The following KCNJ15 variants were observed in gnomAD, a reference collection of about 807,000 sequenced individuals.
The protein encoded by KCNJ15 is potassium inwardly rectifying channel subfamily J member 15.
Under a neutral mutation model 23.0 loss-of-function variants are expected in KCNJ15, and 14 were observed. That is an observed-to-expected ratio of 0.61 (90% CI 0.40 to 0.95). The LOEUF is 0.95. Ranked by LOEUF, KCNJ15 falls within the 40% of genes least tolerant of loss-of-function variation. KCNJ15 has a pLI of 0.00. For missense variants in KCNJ15, 388 were observed against 461.8 expected (o/e 0.84, Z 1.46); for synonymous variants, 185 against 183.2 (o/e 1.01, Z -0.08).
chr21:38,294,382 A>G (rs761513083), intron 1 of KCNJ15, among the ~76,000 whole-genome samples: 1 of 152,198 alleles, frequency 6.6e-6, no homozygotes, highest in African/African-American at 2.4e-5. Flanking sequence ...TTCACTCTTT[A>G]TGCCTCATCA....
chr21:38,291,283 G>T (rs983018442), intron 1 of KCNJ15, among the ~76,000 whole-genome samples: 1 of 152,064 alleles, frequency 6.6e-6, no homozygotes, highest in African/African-American at 2.4e-5. Context: ...TAGAATCTAG[G>T]TTCTCCCCAC....
At chr21:38,239,552 A>G (rs559589244) in intron 1 of KCNJ15, among the ~76,000 whole-genome samples, 6 of 152,352 alleles carry the variant, frequency 3.9e-5, no homozygotes, top group African/African-American at 1.4e-4. Flanking sequence ...CCGAAAAGGT[A>G]CTTAATTTCA....
rs1345760447 is a variant in KCNJ15, at chr21:38,306,075, A to C, written c.*5686A>C. ...AAAGTCGCCCTCCACGTGGGTGCAC[A>C]GGAGCCCAGATTCTCAAGCCCCAGT... On this transcript the variant is annotated 3_prime_UTR_variant, in exon 3 of 3. Transcript: ENST00000398938. The C allele has an allele frequency of 2.0e-5, 3 of 152,224 alleles. No individual in the cohort carries two copies. Among genetic ancestry groups the C allele is most frequent in the Non-Finnish European group, 2.9e-5 (2 of 68,034 alleles). 9.4% of individuals were successfully genotyped at this position (152,224 alleles called of 1,614,324 possible).
At chr21:38,285,407 G>A (rs553457308) in intron 1 of KCNJ15, among the ~76,000 whole-genome samples, 2 of 152,196 alleles carry the variant, frequency 1.3e-5, no homozygotes, top group African/African-American at 4.8e-5. Context: ...GATCATCATC[G>A]CCATTCTGCA....
chr21:38,264,114 C>G lies in KCNJ15; in HGVS notation c.-117+6929C>G, dbSNP rs111742223. Reference sequence around the variant, plus strand: ...CTACATCTGAACTTAACTTAGCTTCCTATTTGAACCTGGGAATCAACTGGG... The same window carrying G: ...CTACATCTGAACTTAACTTAGCTTCGTATTTGAACCTGGGAATCAACTGGG... On this transcript the variant is annotated intron_variant, in intron 1 of 2. Coordinates refer to ENST00000398938, the MANE Select transcript of KCNJ15 (RefSeq NM_170736.3). 5.9e-3 allele frequency among the ~76,000 whole-genome samples: 899 copies of G among 152,312 alleles called. 13 individuals carry two copies. The highest frequency in any genetic ancestry group is 0.02 in the African/African-American group (846 of 41,550).
At chr21:38,268,569 A>AAAAAAAAAAAAAAAG (rs1568997244) in intron 1 of KCNJ15, among the ~76,000 whole-genome samples, 1 of 136,034 alleles carries the variant, frequency 7.4e-6, no homozygotes, top group Non-Finnish European at 1.5e-5. Flanking sequence ...AAAAAAAAAA[A>AAAAAAAAAAAAAAAG]AAAAAAAAGA....
chr21:38,298,654 T>G (rs1314111449), intron 2 of KCNJ15, among the ~76,000 whole-genome samples: 1 of 152,202 alleles, frequency 6.6e-6, no homozygotes, highest in Non-Finnish European at 1.5e-5. Context: ...AAAAAATGCA[T>G]TACTACTGAG....
chr21:38,298,322 T>C (rs765512947), intron 2 of KCNJ15: 8 of 152,220 alleles, frequency 5.3e-5, no homozygotes, highest in Admixed American at 2.0e-4. Flanking sequence ...CCTACACTTA[T>C]TGACTTTTTC....
At chr21:38,254,744 C>T (rs1434890240), upstream of KCNJ15, among the ~76,000 whole-genome samples, 1 of 152,194 alleles carries the variant, frequency 6.6e-6, no homozygotes, top group Non-Finnish European at 1.5e-5. Flanking sequence ...TCTTCTTTGG[C>T]TTCCATCTCC....
intron 1 of KCNJ15, among the ~76,000 whole-genome samples, chr21:38,284,774 C>T (rs1601222539): frequency 6.6e-6 from 1 of 152,174 alleles, no homozygotes; most frequent in East Asian, 1.9e-4. Flanking sequence ...TCCCTCTCGC[C>T]TACTCAATAT....
At chr21:38,270,788 C>T (rs1981992476) in intron 1 of KCNJ15, among the ~76,000 whole-genome samples, 1 of 152,150 alleles carries the variant, frequency 6.6e-6, no homozygotes, top group Non-Finnish European at 1.5e-5. Context: ...TATGGCAAGA[C>T]CAAGGCAAAA....
chr21:38,255,267 A>C (rs188562990), upstream of KCNJ15, among the ~76,000 whole-genome samples: 8 of 152,340 alleles, frequency 5.3e-5, no homozygotes, highest in South Asian at 1.0e-3. Flanking sequence ...TTCCAGGCCG[A>C]GGAAACAGCC....
chr21:38,238,207 G>A, intron 1 of KCNJ15: 1 of 502,022 alleles, frequency 2.0e-6, no homozygotes, highest in South Asian at 1.7e-5. Flanking sequence ...TTCTGCCCCA[G>A]CCCAAGAGGG....
chr21:38,268,076 C>T (rs1981650071), intron 1 of KCNJ15, among the ~76,000 whole-genome samples: 1 of 152,148 alleles, frequency 6.6e-6, no homozygotes, highest in African/African-American at 2.4e-5. Flanking sequence ...TACAACTAAA[C>T]AAGTCTATTC....
At chr21:38,288,022 T>TTTC (rs1984106615) in intron 1 of KCNJ15, among the ~76,000 whole-genome samples, 1 of 110,848 alleles carries the variant, frequency 9.0e-6, no homozygotes, top group Non-Finnish European at 1.9e-5. Context: ...TAACTTGTTT[T>TTTC]TTTCTTTGTT....
chr21:38,300,963 G>T lies in KCNJ15; in HGVS notation c.*574G>T, dbSNP rs942039332. 1 of 167,128 alleles carries T rather than the reference G, an allele frequency of 6.0e-6. No homozygotes were observed. The highest frequency in any genetic ancestry group is 1.5e-5 in the Non-Finnish European group (1 of 68,220). 10.4% of individuals were successfully genotyped at this position (167,128 alleles called of 1,614,324 possible). A position where few individuals can be genotyped will look rare whatever the true frequency, so the allele number is the denominator to read the frequency against. On this transcript the variant is annotated 3_prime_UTR_variant, in exon 3 of 3. Coordinates refer to ENST00000398938, the MANE Select transcript of KCNJ15 (RefSeq NM_170736.3). ...CATTTTTACCTTTCTTCAGTGGACT[G>T]AATTGTATGGAAGGAAATTGATCAG...
At chr21:38,278,151 C>T (rs1207356633) in intron 1 of KCNJ15, among the ~76,000 whole-genome samples, 4 of 152,006 alleles carry the variant, frequency 2.6e-5, no homozygotes, top group Admixed American at 2.6e-4. Flanking sequence ...CCCAGCGGTG[C>T]TTTCTATAAC....
At chr21:38,292,688 G>A (rs1984729380) in intron 1 of KCNJ15, among the ~76,000 whole-genome samples, 2 of 152,170 alleles carry the variant, frequency 1.3e-5, no homozygotes, top group South Asian at 2.1e-4. Context: ...TCACAACTCA[G>A]TTGGGTGCAG....
intron 1 of KCNJ15, among the ~76,000 whole-genome samples, chr21:38,270,369 G>A (rs779581147): frequency 2.0e-5 from 3 of 152,144 alleles, no homozygotes; most frequent in Non-Finnish European, 4.4e-5. Context: ...CTGAGTGCAT[G>A]CAGCTCAGCA....
Sources: gnomAD v4.1 joint callset for allele counts (sites outside exome capture counted in the v4.1 genomes callset) on GRCh38, gnomAD v4.1.1 for gene constraint, MANE v1.5 for transcripts, NCBI Gene and HGNC (gene_info 2026-07-23, HGNC 2026-07-21) for gene names.